Variants in FAM114A2 observed in about 807,000 individuals in gnomAD.
FAM114A2 encodes protein FAM114A2.
FAM114A2 carries 53 observed loss-of-function variants against 58.4 expected under a neutral mutation model. That is an observed-to-expected ratio of 0.91 (90% CI 0.73 to 1.14). The LOEUF (loss-of-function observed/expected upper bound fraction) is 1.14. Among genes scored for constraint, FAM114A2 ranks in the 50% most tolerant of loss-of-function variants. The probability of loss-of-function intolerance (pLI) is 0.00; values close to 1 mark genes in which losing one functional copy is unlikely to be tolerated. For missense variants in FAM114A2, 601 were observed against 581.1 expected, an observed-to-expected ratio of 1.03 and a Z score of -0.35; for synonymous variants, 228 against 211.4, an observed-to-expected ratio of 1.08 and a Z score of -0.68.
intron 12 of FAM114A2, 134 bp downstream of exon 12, chr5:153,997,669 G>C: frequency 1.6e-6 from 1 of 612,542 alleles, no homozygotes; most frequent in Non-Finnish European, 3.0e-6. Flanking sequence ...TATGGAAATG[G>C]CCGCGCAACT....
intron 9 of FAM114A2, among the ~76,000 whole-genome samples, chr5:154,003,592 T>C (rs1354695957): frequency 6.6e-6 from 1 of 152,206 alleles, no homozygotes; most frequent in Non-Finnish European, 1.5e-5. Context: ...GTGATCAAGA[T>C]ATAGAATATT....
intron 4 of FAM114A2, among the ~76,000 whole-genome samples, chr5:154,032,816 C>A (rs111466556): frequency 4.6e-5 from 7 of 152,296 alleles, no homozygotes; most frequent in Middle Eastern, 3.4e-3. Flanking sequence ...CAGCCCAGAA[C>A]CTTGACATCA....
intron 8 of FAM114A2, among the ~76,000 whole-genome samples, chr5:154,019,188 T>C (rs1034666292): frequency 1.3e-5 from 2 of 152,166 alleles, no homozygotes; most frequent in African/African-American, 4.8e-5. Flanking sequence ...AATTCAGCAA[T>C]GTTTCTGGAT....
chr5:154,003,641 C>T (rs1457352454), intron 9 of FAM114A2, among the ~76,000 whole-genome samples: 1 of 152,164 alleles, frequency 6.6e-6, no homozygotes, highest in Non-Finnish European at 1.5e-5. Flanking sequence ...CCCTTCCTAG[C>T]CAATACTATT....
Position 153,991,173 on chromosome 5 carries a change from A to G in FAM114A2, c.*1803T>C, listed in dbSNP as rs1261132058. 6.6e-6 allele frequency: 1 copy of G among 152,150 alleles called. No individual in the cohort carries two copies. Among genetic ancestry groups the G allele is most frequent in the Non-Finnish European group, 1.5e-5 (1 of 68,030 alleles). The allele number at this position is 152,150 out of a possible 1,614,324, so 9.4% of individuals were successfully genotyped here. A position where few individuals can be genotyped will look rare whatever the true frequency, so the allele number is the denominator to read the frequency against. On this transcript the variant is annotated 3_prime_UTR_variant, in exon 14 of 14. Coordinates refer to ENST00000351797, the MANE Select transcript of FAM114A2 (RefSeq NM_018691.4). ...GTGAGACCTAATCTAAAATTTGCCA[A>G]ATTCAGGGCTGAAATCTGAATAGGT... is the stretch of plus-strand genomic sequence containing the variant.
At chr5:154,036,160 T>C (rs1438135273) in intron 1 of FAM114A2, 1 of 152,246 alleles carries the variant, frequency 6.6e-6, no homozygotes, top group African/African-American at 2.4e-5. Flanking sequence ...AGCAAGTCTT[T>C]AATTTTAATG....
intron 11 of FAM114A2, among the ~76,000 whole-genome samples, chr5:154,000,542 T>C (rs934111392): frequency 1.3e-5 from 2 of 152,134 alleles, no homozygotes; most frequent in Admixed American, 6.5e-5. Flanking sequence ...AAGACATGAA[T>C]GGAAATGTGT....
rs201693208 is a variant in FAM114A2 at position 153,993,012 on chromosome 5, A to C, written c.1482T>G (p.His494Gln). The change falls in exon 14 of 14, where the codon CAT (histidine) becomes CAG (glutamine). Residue 494 changes from histidine to glutamine, a missense_variant. By Grantham distance (24) the His-to-Gln change is conservative. Transcript: ENST00000351797. ...ACAAAGGTTTCTGGCCCTGCAGCTC[A>C]TGTCTGTGTGATTCAATCTTGTTCT... ...LIENKIESHR[H>Q]ELQGQKPLLE... 1 of 1,612,898 alleles carries C rather than the reference A, an allele frequency of 6.2e-7. No individual in the cohort carries two copies. Among genetic ancestry groups the C allele is most frequent in the African/African-American group, 1.3e-5 (1 of 74,864 alleles).
Position 154,029,490 on chromosome 5 carries a change from G to A in FAM114A2, c.494C>T (p.Thr165Ile). Residue 165 changes from threonine (T) to isoleucine (I), a missense_variant and splice_region_variant, in exon 5 of 14, where the codon ACA (threonine) becomes ATA (isoleucine). Thr to Ile is a moderately conservative substitution (Grantham distance 89). Transcript: ENST00000351797. ...ACCACCTTGCACTTTTTTACTTACTGTGCTCTGAACAGCAGTAGAGATGGT... is the reference window on the plus strand; with the variant it reads ...ACCACCTTGCACTTTTTTACTTACTATGCTCTGAACAGCAGTAGAGATGGT... ...FSTISTAVQS[T>I]GKSVISGGLD... 1.9e-6 allele frequency: 3 copies of A among 1,570,978 alleles called. No homozygotes were observed. The highest frequency in any genetic ancestry group is 1.8e-6 in the Non-Finnish European group (2 of 1,142,082).
chr5:154,037,710 T>C (rs1442202885), intron 1 of FAM114A2, among the ~76,000 whole-genome samples: 1 of 152,224 alleles, frequency 6.6e-6, no homozygotes. Context: ...TGGAAGGACA[T>C]ACTCCAAAAT....
rs371479761 is a variant in FAM114A2 at position 153,992,952 on chromosome 5, C to T, written c.*24G>A. 3.1e-6 allele frequency: 5 copies of T among 1,602,066 alleles called. No homozygotes were observed. Among genetic ancestry groups the T allele is most frequent in the Non-Finnish European group, 2.6e-6 (3 of 1,172,828 alleles). ...GTGGCATTCCTTGGCCGTCACAAGT[C>T]CCAGGTCAAAACGTCTCCATTCTTC... On this transcript the variant is annotated 3_prime_UTR_variant, in exon 14 of 14. Transcript: ENST00000351797.
At chr5:154,014,735 G>A (rs1363309372) in intron 8 of FAM114A2, among the ~76,000 whole-genome samples, 1 of 152,160 alleles carries the variant, frequency 6.6e-6, no homozygotes, top group Admixed American at 6.5e-5. Flanking sequence ...ACTGGGAAAA[G>A]GCCACAGGGA....
Position 153,994,918 on chromosome 5 carries a change from C to G in FAM114A2, c.1383+1G>C, listed in dbSNP as rs2113159734. 6.3e-7 allele frequency: 1 copy of G among 1,588,360 alleles called. No homozygotes were observed. The highest frequency in any genetic ancestry group is 2.2e-5 in the East Asian group (1 of 44,634). On this transcript the variant is annotated splice_donor_variant, in intron 13 of 13. Coordinates refer to ENST00000351797, the MANE Select transcript of FAM114A2 (RefSeq NM_018691.4). LOFTEE classifies it high-confidence loss of function. ...TCAGAGACTTAAAAACAATTACTAA[C>G]CTCTAGAAATACTGCAGTGATTAAT...
intron 9 of FAM114A2, among the ~76,000 whole-genome samples, chr5:154,004,911 T>G (rs1197809848): frequency 6.6e-6 from 1 of 152,172 alleles, no homozygotes; most frequent in African/African-American, 2.4e-5. Context: ...GCTCTTTACA[T>G]GATGTAACAG....
chr5:154,004,957 C>T (rs1770257721), intron 9 of FAM114A2, among the ~76,000 whole-genome samples: 1 of 152,118 alleles, frequency 6.6e-6, no homozygotes, highest in African/African-American at 2.4e-5. Flanking sequence ...CTTTTCCAGC[C>T]TCATCTCTTA....
rs767250351 is a variant in FAM114A2 at position 154,002,883 on chromosome 5, T to C, written c.1080A>G (p.Ala360=). 6.2e-7 allele frequency: 1 copy of C among 1,614,140 alleles called. No homozygotes were observed. Among genetic ancestry groups the C allele is most frequent in the Non-Finnish European group, 8.5e-7 (1 of 1,179,988 alleles). ...TTTTGTTGACTTGCTCAGTATTTTC[T>C]GCTTCCGACTGTTTTTCTCCTTCTT... ...ENEEGEKQSE[A]ENTEQVNKNS... The change falls in exon 10 of 14, where the codon GCA becomes GCG. Residue 360 remains alanine (A), a synonymous_variant. Transcript: ENST00000351797.
chr5:154,001,872 T>C (rs1391967411), intron 11 of FAM114A2, among the ~76,000 whole-genome samples: 3 of 152,092 alleles, frequency 2.0e-5, no homozygotes, highest in Non-Finnish European at 2.9e-5. Flanking sequence ...GTATAAAAAT[T>C]AGAAATTATA....
At chr5:154,029,382 T>G in intron 5 of FAM114A2, 107 bp downstream of exon 5, 1 of 688,928 alleles carries the variant, frequency 1.5e-6, no homozygotes, top group Middle Eastern at 2.5e-4. Flanking sequence ...TTGGACTCCT[T>G]TAAAAGTAAT....
intron 4 of FAM114A2, among the ~76,000 whole-genome samples, chr5:154,032,945 G>A (rs1285326223): frequency 6.6e-6 from 1 of 152,078 alleles, no homozygotes; most frequent in Admixed American, 6.6e-5. Flanking sequence ...ACTGATGCAG[G>A]CATCACTAAG....
Sources: gnomAD v4.1 joint callset for allele counts (sites outside exome capture counted in the v4.1 genomes callset) on GRCh38, gnomAD v4.1.1 for gene constraint, MANE v1.5 for transcripts, NCBI Gene and HGNC (gene_info 2026-07-23, HGNC 2026-07-21) for gene names.